MTRR: variants seen among roughly 807,000 people sequenced by gnomAD.
The protein encoded by MTRR is 5-methyltetrahydrofolate-homocysteine methyltransferase reductase.
In MTRR, 63 loss-of-function variants were observed where a neutral mutation model predicts 79.2. The ratio of observed to expected loss-of-function variants is 0.80; its 90% CI spans 0.65 to 0.98. MTRR has a LOEUF of 0.98. MTRR is among the 50% of genes least tolerant of loss of function. The probability of loss-of-function intolerance (pLI) is 0.00; values close to 1 mark genes in which losing one functional copy is unlikely to be tolerated. For synonymous variants in MTRR, 355 were observed against 313.3 expected (o/e 1.13, Z -1.41); for missense variants, 895 against 839.6 (o/e 1.07, Z -0.82).
intron 14 of MTRR, among the ~76,000 whole-genome samples, chr5:7,899,665 C>T (rs1579848740): frequency 1.3e-5 from 2 of 152,088 alleles, no homozygotes; most frequent in South Asian, 2.1e-4. Context: ...GGCCTACTGT[C>T]GGGACCTGGA....
Position 7,900,625 on chromosome 5 carries a change from C to G in MTRR, c.*567C>G, listed in dbSNP as rs1739328249. 1 of 152,686 alleles carries G rather than the reference C, an allele frequency of 6.5e-6. No individual in the cohort carries two copies. Among genetic ancestry groups the G allele is most frequent in the Admixed American group, 6.5e-5 (1 of 15,298 alleles). The allele number at this position is 152,686 out of a possible 1,614,324, so 9.5% of individuals were successfully genotyped here. ...ATAAAAAATATTTTAGGATAATTGC[C>G]TACAGAGGGATTTATTTTTATGATG... On this transcript the variant is annotated 3_prime_UTR_variant, in exon 15 of 15. Transcript: ENST00000440940.
At chr5:7,899,545 G>C (rs1329241595) in intron 14 of MTRR, among the ~76,000 whole-genome samples, 2 of 152,196 alleles carry the variant, frequency 1.3e-5, no homozygotes, top group Non-Finnish European at 2.9e-5. Flanking sequence ...TCAGGAGCAC[G>C]AGTCTACTGT....
At chr5:7,869,505 C>G in intron 1 of MTRR, 1 of 429,378 alleles carries the variant, frequency 2.3e-6, no homozygotes, top group Non-Finnish European at 4.3e-6. Context: ...GTTCTAGGCG[C>G]TTTCCAGGCC....
intron 5 of MTRR, among the ~76,000 whole-genome samples, chr5:7,879,070 A>T (rs570090310): frequency 2.6e-5 from 4 of 151,964 alleles, no homozygotes; most frequent in Non-Finnish European, 5.9e-5. Flanking sequence ...TATGATAGCA[A>T]TTTTTTTTAG....
Position 7,899,977 on chromosome 5 carries a change from T to C in MTRR, c.2016T>C (p.Val672=), listed in dbSNP as rs1162603124. The change falls in exon 15 of 15, where the codon GTT becomes GTC. Residue 672 remains valine (V), a synonymous_variant. Coordinates refer to ENST00000440940, the MANE Select transcript of MTRR (RefSeq NM_002454.3). ...DALVQIISKE[V]GVEKLEAMKT... is the part of the protein sequence containing the mutation. ...TTGTGCAAATAATAAGCAAAGAGGT[T>C]GGAGTTGAAAAACTAGAAGCAATGA... 2 of 1,614,120 alleles carry C rather than the reference T, an allele frequency of 1.2e-6. No individual in the cohort carries two copies.
chr5:7,871,065 T>G (rs1292739206), intron 2 of MTRR, 142 bp downstream of exon 2: 2 of 997,054 alleles, frequency 2.0e-6, no homozygotes, highest in Non-Finnish European at 3.1e-6. Context: ...AATGGTATAG[T>G]AAGATATCAC....
At chr5:7,890,287 A>G in intron 9 of MTRR, 2 of 985,230 alleles carry the variant, frequency 2.0e-6, no homozygotes, top group East Asian at 1.1e-4. Context: ...GACCTCCCCA[A>G]AATGCTAAGA....
intron 5 of MTRR, among the ~76,000 whole-genome samples, chr5:7,879,014 G>A (rs1443834133): frequency 6.6e-6 from 1 of 152,014 alleles, no homozygotes; most frequent in East Asian, 1.9e-4. Context: ...AAATAATTTG[G>A]ATGCAGCATC....
rs1189298981 is a variant in MTRR at position 7,875,292 on chromosome 5, TG to T, written c.324del (p.Lys109ArgfsTer2). ...GDSEYTYFCNGGKIIDKRLQE... is the reference protein window; with the variant it reads ...GDSEYTYFCNXGKIIDKRLQE... ...ATTCAGAATACACCTACTTTTGCAA[TG>T]GGGGGAAGATAATTGATAAACGACT... is the stretch of plus-strand genomic sequence containing the variant. On this transcript the variant is annotated frameshift_variant, in exon 4 of 15. Coordinates refer to ENST00000440940, the MANE Select transcript of MTRR (RefSeq NM_002454.3). LOFTEE classifies it high-confidence loss of function. The T allele has an allele frequency of 5.0e-6, 8 of 1,613,652 alleles. No homozygotes were observed. The highest frequency in any genetic ancestry group is 2.2e-5 in the East Asian group (1 of 44,876).
upstream of MTRR, chr5:7,866,886 T>C: frequency 6.2e-7 from 1 of 1,614,166 alleles, no homozygotes; most frequent in Non-Finnish European, 8.5e-7. Context: ...AATTTTTCTG[T>C]TTGGCAAACA....
intron 11 of MTRR, 84 bp downstream of exon 11, chr5:7,892,997 C>A: frequency 7.0e-7 from 1 of 1,431,340 alleles, no homozygotes; most frequent in Non-Finnish European, 9.6e-7. Flanking sequence ...TCACCCACAT[C>A]ATTCATTACT....
At chr5:7,868,282 G>A, upstream of MTRR, 1 of 515,590 alleles carries the variant, frequency 1.9e-6, no homozygotes, top group Non-Finnish European at 3.4e-6. Context: ...AGTTAGAAGA[G>A]TGGCTGACAT....
At chr5:7,879,958 C>T (rs1735313256) in intron 5 of MTRR, among the ~76,000 whole-genome samples, 1 of 152,206 alleles carries the variant, frequency 6.6e-6, no homozygotes, top group Admixed American at 6.5e-5. Context: ...GCAGTCCTCC[C>T]AGGTATGGAA....
In MTRR at chr5:7,897,758, G is replaced by A. The variant is rs530480796; in HGVS notation, c.1952+511G>A. ...ACTTTCTGAGGCAAGATCTGTTACAGGAACCCATAATTGCCATAGAAAAAT... is the reference window on the plus strand; with the variant it reads ...ACTTTCTGAGGCAAGATCTGTTACAAGAACCCATAATTGCCATAGAAAAAT... On this transcript the variant is annotated intron_variant, in intron 14 of 14. Transcript: ENST00000440940. Among the ~76,000 whole-genome samples the A allele has an allele frequency of 1.1e-4, 17 of 152,254 alleles. No homozygotes were observed. In the South Asian group the frequency reaches 2.9e-3, roughly 26 times the overall value.
chr5:7,875,444 T>G (rs1193586167), intron 4 of MTRR, 69 bp downstream of exon 4: 8 of 1,303,980 alleles, frequency 6.1e-6, no homozygotes, highest in Non-Finnish European at 8.9e-6. Context: ...TTGTAAAACA[T>G]GTCAGCTTTT....
At chr5:7,877,769 T>C (rs1194527494) in intron 4 of MTRR, among the ~76,000 whole-genome samples, 175 bp from the exon 5 acceptor site, 1 of 152,152 alleles carries the variant, frequency 6.6e-6, no homozygotes, top group African/African-American at 2.4e-5. Flanking sequence ...GAACACATAA[T>C]ATATCCTGCT....
At chr5:7,862,314 A>G (rs1028118248) in intron 2 of MTRR, among the ~76,000 whole-genome samples, 4 of 152,116 alleles carry the variant, frequency 2.6e-5, no homozygotes, top group African/African-American at 9.7e-5. Flanking sequence ...AAATCTTTAT[A>G]ATGGTGCTGT....
At chr5:7,867,128 C>A (rs1455522649), upstream of MTRR, 1 of 1,614,122 alleles carries the variant, frequency 6.2e-7, no homozygotes, top group East Asian at 2.2e-5. Flanking sequence ...GACATATTTG[C>A]CCAATTTTAT....
chr5:7,857,379 G>A (rs12520845), intron 1 of MTRR, among the ~76,000 whole-genome samples: 2,251 of 152,224 alleles, frequency 0.015, 21 homozygotes, highest in Non-Finnish European at 0.018. Context: ...AAATTTGCTC[G>A]TTAGTGACAC....
Sources: gnomAD v4.1 joint callset for allele counts (sites outside exome capture counted in the v4.1 genomes callset) on GRCh38, gnomAD v4.1.1 for gene constraint, MANE v1.5 for transcripts, NCBI Gene and HGNC (gene_info 2026-07-23, HGNC 2026-07-21) for gene names.